The following MGMT variants were observed in gnomAD, a reference collection of about 807,000 sequenced individuals.
MGMT encodes methylated-DNA--protein-cysteine methyltransferase.
A neutral mutation model predicts 15.9 loss-of-function variants in MGMT; 14 were observed. That is an observed-to-expected ratio of 0.88 (90% confidence interval 0.58 to 1.37). The LOEUF (loss-of-function observed/expected upper bound fraction) is 1.37. Ranked by LOEUF, MGMT falls within the 40% of genes most tolerant of loss-of-function variation. The pLI is 0.00. For synonymous variants in MGMT, 130 were observed against 118.2 expected (o/e 1.10, Z -0.65); for missense variants, 282 against 268.1 (o/e 1.05, Z -0.36).
At chr10:129,675,147 A>G (rs939035246) in intron 2 of MGMT, among the ~76,000 whole-genome samples, 1 of 152,218 alleles carries the variant, frequency 6.6e-6, no homozygotes, top group Non-Finnish European at 1.5e-5. Flanking sequence ...GCAGCAGGAC[A>G]GAGGACCCAG....
chr10:129,745,610 G>A (rs1257991257), intron 3 of MGMT, among the ~76,000 whole-genome samples: 2 of 152,148 alleles, frequency 1.3e-5, no homozygotes, highest in South Asian at 2.1e-4. Context: ...GTACGCTACC[G>A]TGTGGGTATA....
intron 4 of MGMT, among the ~76,000 whole-genome samples, chr10:129,760,614 G>T (rs964904836): frequency 6.6e-6 from 1 of 152,210 alleles, no homozygotes; most frequent in African/African-American, 2.4e-5. Context: ...AGCAGCCTGG[G>T]GGCAGAGCCT....
chr10:129,533,252 T>G lies in MGMT; in HGVS notation c.-12-2989T>G, dbSNP rs1314917174. ...CTGCTCCTCCAGCCTTCCCAGAAGT[T>G]CTTTGAGTTGTGGAGTAGCCTTTCA... On this transcript the variant is annotated intron_variant, in intron 1 of 4. Transcript: ENST00000651593. The surrounding 1 kb of genome is among the most constrained non-coding windows in gnomAD (Gnocchi z 4.5). Among the ~76,000 whole-genome samples, 1 of 152,224 alleles carries G rather than the reference T, an allele frequency of 6.6e-6. No homozygotes were observed. Among genetic ancestry groups the G allele is most frequent in the Non-Finnish European group, 1.5e-5 (1 of 68,042 alleles).
At chr10:129,560,923 A>G (rs2119808757) in intron 2 of MGMT, among the ~76,000 whole-genome samples, 1 of 150,888 alleles carries the variant, frequency 6.6e-6, no homozygotes, top group Non-Finnish European at 1.5e-5. Flanking sequence ...ACTTTCAGAC[A>G]TTTTCTCTCC....
chr10:129,657,703 A>ACACACACACACACACG (rs1467822718), intron 2 of MGMT, among the ~76,000 whole-genome samples: 1 of 124,610 alleles, frequency 8.0e-6, no homozygotes, highest in Admixed American at 7.5e-5. Context: ...ACACACACAC[A>ACACACACACACACACG]CACGCACACA....
chr10:129,512,433 A>G (rs1354387219), intron 1 of MGMT, among the ~76,000 whole-genome samples: 1 of 152,156 alleles, frequency 6.6e-6, no homozygotes, highest in South Asian at 2.1e-4. Flanking sequence ...GGCGTGTTCA[A>G]CACCCTAGAG....
chr10:129,509,819 A>G (rs985140568), intron 1 of MGMT, among the ~76,000 whole-genome samples: 1 of 152,232 alleles, frequency 6.6e-6, no homozygotes, highest in African/African-American at 2.4e-5. Context: ...TCTCCTGTCC[A>G]CAGCTTTTGA....
intron 3 of MGMT, among the ~76,000 whole-genome samples, chr10:129,742,542 G>A (rs1036502569): frequency 1.9e-4 from 25 of 132,282 alleles, no homozygotes; most frequent in Admixed American, 1.6e-3. Context: ...AGTGCCCCAC[G>A]GCTGCAGCGG....
intron 2 of MGMT, among the ~76,000 whole-genome samples, chr10:129,685,148 A>G (rs532564772): frequency 5.9e-5 from 9 of 152,360 alleles, no homozygotes; most frequent in Non-Finnish European, 1.0e-4. Context: ...TGAAAGTCAG[A>G]TAAACATGCA....
rs1846215538 is a variant in MGMT at position 129,556,506 on chromosome 10, G to A, written c.125+20129G>A. On this transcript the variant is annotated intron_variant, in intron 2 of 4. Transcript: ENST00000651593. This position sits in a 1 kb window ranked among gnomAD's most constrained non-coding sequence, Gnocchi z 4.3. The stretch of plus-strand genomic sequence containing the variant: ...TTGGGTTCAGACTTGCAGCACCCAG[G>A]CTGCAGGGCTTCGTCAGGGCAGCCC... 6.6e-6 allele frequency among the ~76,000 whole-genome samples: 1 copy of A among 152,174 alleles called. No homozygotes were observed. The highest frequency in any genetic ancestry group is 1.5e-5 in the Non-Finnish European group (1 of 68,026).
intron 2 of MGMT, among the ~76,000 whole-genome samples, chr10:129,597,485 CA>C (rs534597191): frequency 8.7e-5 from 13 of 149,552 alleles, no homozygotes; most frequent in Admixed American, 2.7e-4. Context: ...AATAAAAAAA[CA>C]AAAAAAAAGA....
intron 3 of MGMT, among the ~76,000 whole-genome samples, chr10:129,709,485 C>CT (rs1327521308): frequency 6.6e-6 from 1 of 152,150 alleles, no homozygotes; most frequent in Non-Finnish European, 1.5e-5. Context: ...TATACGATCT[C>CT]TTTTTGGGGG....
rs1013158358 is a variant in MGMT, at chr10:129,690,390, C to G, written c.126-17505C>G. On this transcript the variant is annotated intron_variant, in intron 2 of 4. Coordinates refer to ENST00000651593, the MANE Select transcript of MGMT (RefSeq NM_002412.5). The stretch of plus-strand genomic sequence containing the variant: ...CCTTTGAGGTTTTCACTTATTCACT[C>G]ATTAATAATTCATCAGTCTTTGCTG... Among the ~76,000 whole-genome samples, 14 of 152,180 alleles carry G rather than the reference C, an allele frequency of 9.2e-5. 1 individual carries two copies. The highest frequency in any genetic ancestry group is 1.0e-4 in the Non-Finnish European group (7 of 68,034).
intron 2 of MGMT, among the ~76,000 whole-genome samples, chr10:129,587,753 C>A (rs1846634376): frequency 6.6e-6 from 1 of 151,964 alleles, no homozygotes; most frequent in East Asian, 1.9e-4. Flanking sequence ...TTCTACTCAC[C>A]TTTTTGACAT....
intron 1 of MGMT, among the ~76,000 whole-genome samples, chr10:129,507,158 A>G (rs12256911): frequency 0.069 from 10,465 of 152,192 alleles, 1,203 homozygotes; most frequent in African/African-American, 0.24. Flanking sequence ...AACAGGACTG[A>G]TCTAGTGTTG....
intron 2 of MGMT, among the ~76,000 whole-genome samples, chr10:129,686,766 G>A (rs532088092): frequency 3.3e-5 from 5 of 152,336 alleles, no homozygotes; most frequent in African/African-American, 1.2e-4. Flanking sequence ...GCGAACAAGT[G>A]ATGGTTCAGA....
chr10:129,561,484 G>A (rs1846278341), intron 2 of MGMT, among the ~76,000 whole-genome samples: 1 of 152,158 alleles, frequency 6.6e-6, no homozygotes, highest in African/African-American at 2.4e-5. Context: ...CTTCAGGTGT[G>A]GAAATAGAAG....
chr10:129,573,986 A>G (rs1387347281), intron 2 of MGMT, among the ~76,000 whole-genome samples: 2 of 152,246 alleles, frequency 1.3e-5, no homozygotes, highest in African/African-American at 2.4e-5. Flanking sequence ...TACTTCATAT[A>G]CTTAGTTTTA....
intron 2 of MGMT, among the ~76,000 whole-genome samples, chr10:129,614,320 C>T (rs1846996373): frequency 6.6e-6 from 1 of 152,200 alleles, no homozygotes; most frequent in Non-Finnish European, 1.5e-5. Context: ...AAACCCGTTT[C>T]CCCCACACCT....
Sources: allele counts gnomAD v4.1 joint callset (sites outside exome capture counted in the v4.1 genomes callset), GRCh38; gene constraint gnomAD v4.1.1; non-coding constraint Gnocchi (gnomAD v3.1); transcripts MANE v1.5; gene names NCBI Gene and HGNC (gene_info 2026-07-23, HGNC 2026-07-21).